The following B3GALT1 variants were observed in gnomAD, a reference collection of about 807,000 sequenced individuals.
B3GALT1 encodes UDP-Gal:betaGlcNAc beta 1,3-galactosyltransferase, polypeptide 1.
In B3GALT1, 10 loss-of-function variants were observed where a neutral mutation model predicts 23.2. That is an observed-to-expected ratio of 0.43 (90% CI 0.27 to 0.73). The LOEUF is 0.73. Among genes scored for constraint, B3GALT1 ranks in the 30% least tolerant of loss-of-function variants. The pLI, the probability that B3GALT1 is intolerant of heterozygous loss-of-function variation, is 0.21. For missense variants in B3GALT1, 299 were observed against 405.4 expected, an observed-to-expected ratio of 0.74 and a Z score of 2.25; for synonymous variants, 156 against 141.5, an observed-to-expected ratio of 1.10 and a Z score of -0.73.
intron 3 of B3GALT1, among the ~76,000 whole-genome samples, chr2:167,796,499 G>A (rs752230905): frequency 1.3e-4 from 20 of 152,178 alleles, no homozygotes; most frequent in Non-Finnish European, 2.2e-4. Flanking sequence ...TGTAATCCCA[G>A]CACTTTGGGA....
At chr2:167,568,574 T>A (rs1353957264) in intron 2 of B3GALT1, among the ~76,000 whole-genome samples, 1 of 152,082 alleles carries the variant, frequency 6.6e-6, no homozygotes, top group African/African-American at 2.4e-5. Context: ...CATTTTTTAA[T>A]TGGGTTGTTT....
At chr2:167,460,336 T>C (rs1699239935) in intron 1 of B3GALT1, among the ~76,000 whole-genome samples, 1 of 152,154 alleles carries the variant, frequency 6.6e-6, no homozygotes, top group African/African-American at 2.4e-5. Flanking sequence ...ATAATTTCCT[T>C]TGTTCTGTTG....
In B3GALT1 at chr2:167,805,243, G is replaced by C. The variant is rs563493686; in HGVS notation, c.-351-13429G>C. Among the ~76,000 whole-genome samples the C allele has an allele frequency of 1.0e-3, 159 of 152,232 alleles. 1 individual carries two copies. Among genetic ancestry groups the C allele is most frequent in the African/African-American group, 3.6e-3 (148 of 41,538 alleles). ...TGGATATTAGCCCTTTGTCAGATGAGTAGATTGCAAAAATTTTCTCCCATT... is the reference window on the plus strand; with the variant it reads ...TGGATATTAGCCCTTTGTCAGATGACTAGATTGCAAAAATTTTCTCCCATT... On this transcript the variant is annotated intron_variant, in intron 3 of 4. Transcript: ENST00000392690.
chr2:167,398,728 G>A (rs1384464700), intron 1 of B3GALT1, among the ~76,000 whole-genome samples: 1 of 152,118 alleles, frequency 6.6e-6, no homozygotes, highest in Non-Finnish European at 1.5e-5. Context: ...ATCATTCACT[G>A]AACCACTCAT....
intron 1 of B3GALT1, among the ~76,000 whole-genome samples, chr2:167,354,230 C>G (rs995079383): frequency 6.6e-6 from 1 of 152,150 alleles, no homozygotes; most frequent in Admixed American, 6.6e-5. Context: ...CATGATCTCT[C>G]TAAAATAGCT....
At chr2:167,702,898 C>T (rs1306348636) in intron 3 of B3GALT1, among the ~76,000 whole-genome samples, 4 of 152,312 alleles carry the variant, frequency 2.6e-5, no homozygotes, top group African/African-American at 9.6e-5. Flanking sequence ...GTTTAAACTT[C>T]AGCTTTAAGC....
At chr2:167,331,960 C>T (rs1040210203) in intron 1 of B3GALT1, among the ~76,000 whole-genome samples, 4 of 152,126 alleles carry the variant, frequency 2.6e-5, no homozygotes, top group East Asian at 1.9e-4. Flanking sequence ...TGCGCAGCTG[C>T]GTGGGATTGC....
At position 167,704,537 on chromosome 2, in the gene B3GALT1, T is replaced by TA. The variant is rs79407153; in HGVS notation, c.-352+57582dup. Among the ~76,000 whole-genome samples the TA allele has an allele frequency of 6.2e-3, 906 of 146,820 alleles. 5 individuals carry two copies. The highest frequency in any genetic ancestry group is 0.018 in the African/African-American group (710 of 40,250). ...CCACATATTATTCTCTAGCCTACTT[T>TA]AAAAAAAAAAACTAGGAATGCCTCA... On this transcript the variant is annotated intron_variant, in intron 3 of 4. Coordinates refer to ENST00000392690, the MANE Select transcript of B3GALT1 (RefSeq NM_020981.4).
rs950959965 is a variant in B3GALT1 at position 167,517,914 on chromosome 2, G to A, written c.-410+27637G>A. ...AATTTTATGAACTATCCTTTTGATT[G>A]TGTGCCACTCAAGTCTATAAAAAAC... is the stretch of plus-strand genomic sequence containing the variant. On this transcript the variant is annotated intron_variant, in intron 2 of 4. Coordinates refer to ENST00000392690, the MANE Select transcript of B3GALT1 (RefSeq NM_020981.4). Among the ~76,000 whole-genome samples the A allele has an allele frequency of 3.3e-5, 5 of 152,108 alleles. No homozygotes were observed. In the East Asian group the frequency reaches 9.6e-4, roughly 29 times the overall value.
chr2:167,834,938 G>C (rs1689427201), intron 4 of B3GALT1, among the ~76,000 whole-genome samples: 1 of 152,122 alleles, frequency 6.6e-6, no homozygotes, highest in African/African-American at 2.4e-5. Context: ...TGCAAGCTAA[G>C]AAACTCTGCC....
At chr2:167,405,361 T>C (rs942435285) in intron 1 of B3GALT1, among the ~76,000 whole-genome samples, 3 of 152,130 alleles carry the variant, frequency 2.0e-5, no homozygotes, top group Non-Finnish European at 4.4e-5. Context: ...AAATTAAGAA[T>C]GTTTAAAGGA....
intron 2 of B3GALT1, among the ~76,000 whole-genome samples, chr2:167,645,924 G>A (rs191217336): frequency 4.5e-4 from 69 of 152,190 alleles, no homozygotes; most frequent in African/African-American, 1.5e-3. Flanking sequence ...TTTGTAAAAT[G>A]TCTGTGTGAG....
At chr2:167,664,206 T>A (rs1311716464) in intron 3 of B3GALT1, among the ~76,000 whole-genome samples, 2 of 150,512 alleles carry the variant, frequency 1.3e-5, no homozygotes, top group Non-Finnish European at 3.0e-5. Context: ...AAGCACCATT[T>A]ATTAAATAGG....
At chr2:167,500,927 A>G (rs1428669418) in intron 2 of B3GALT1, among the ~76,000 whole-genome samples, 1 of 152,170 alleles carries the variant, frequency 6.6e-6, no homozygotes, top group Admixed American at 6.6e-5. Context: ...TAGCAAGTCT[A>G]CCATACTATC....
At chr2:167,564,112 G>A (rs569542332) in intron 2 of B3GALT1, among the ~76,000 whole-genome samples, 69 of 151,492 alleles carry the variant, frequency 4.6e-4, no homozygotes, top group African/African-American at 1.4e-3. Context: ...CAGACGGGGC[G>A]GCTGCCTGGC....
intron 3 of B3GALT1, among the ~76,000 whole-genome samples, chr2:167,659,624 C>T (rs1373817003): frequency 6.6e-6 from 1 of 152,042 alleles, no homozygotes; most frequent in East Asian, 1.9e-4. Context: ...CTGTGCTGGG[C>T]TCTGTCTTCA....
At chr2:167,790,986 G>A (rs72878723) in intron 3 of B3GALT1, among the ~76,000 whole-genome samples, 2,439 of 151,974 alleles carry the variant, frequency 0.016, 38 homozygotes, top group South Asian at 0.066. Context: ...ATGTTGATAC[G>A]GCAAAATTCA....
In B3GALT1 at chr2:167,835,716, G is replaced by A. The variant is rs537523338; in HGVS notation, c.-230+16923G>A. Among the ~76,000 whole-genome samples, 24 of 152,314 alleles carry A rather than the reference G, an allele frequency of 1.6e-4. 1 individual carries two copies. The highest frequency in any genetic ancestry group is 6.2e-4 in the South Asian group (3 of 4,824). On this transcript the variant is annotated intron_variant, in intron 4 of 4. Coordinates refer to ENST00000392690, the MANE Select transcript of B3GALT1 (RefSeq NM_020981.4). ...AGCATGCAGCTGGAGATCTGAGAAC[G>A]GGCAGACTGCCTCCTCAAGTGGGTC...
intron 1 of B3GALT1, among the ~76,000 whole-genome samples, chr2:167,461,823 A>T (rs931949321): frequency 1.3e-5 from 2 of 152,142 alleles, no homozygotes; most frequent in African/African-American, 4.8e-5. Context: ...TTTATATGTA[A>T]TGTAGAGAAT....
Sources: gnomAD v4.1 joint callset for allele counts (sites outside exome capture counted in the v4.1 genomes callset) on GRCh38, gnomAD v4.1.1 for gene constraint, MANE v1.5 for transcripts, NCBI Gene and HGNC (gene_info 2026-07-23, HGNC 2026-07-21) for gene names.